RNASEH2B: variants seen among roughly 807,000 people sequenced by gnomAD.
RNASEH2B encodes Aicardi-Goutieres syndrome 2 protein.
In RNASEH2B, 36 loss-of-function variants were observed where a neutral mutation model predicts 45.0. The observed-to-expected ratio is 0.80, with a 90% confidence interval of 0.61 to 1.06. The LOEUF (loss-of-function observed/expected upper bound fraction) is 1.06, where lower values mean the gene tolerates loss of function less well. Among genes scored for constraint, RNASEH2B ranks in the 50% least tolerant of loss-of-function variants. The pLI is 0.00. For synonymous variants in RNASEH2B, 119 were observed against 125.7 expected (o/e 0.95, Z 0.35); for missense variants, 361 against 360.3 (o/e 1.00, Z -0.02).
intron 9 of RNASEH2B, chr13:50,969,813 C>T: frequency 1.1e-6 from 1 of 934,066 alleles, no homozygotes; most frequent in Admixed American, 2.3e-5. Flanking sequence ...GCTCAGCTGC[C>T]CTCAGGACTA....
chr13:50,945,361 T>G, intron 6 of RNASEH2B, 66 bp from the exon 7 acceptor site: 1 of 1,108,830 alleles, frequency 9.0e-7, no homozygotes, highest in Non-Finnish European at 1.4e-6. Flanking sequence ...AGGCCACCTA[T>G]GAATTCATAG....
intron 5 of RNASEH2B, 72 bp from the exon 6 acceptor site, chr13:50,943,249 T>G (rs1201570319): frequency 1.2e-6 from 1 of 867,104 alleles, no homozygotes; most frequent in Non-Finnish European, 1.9e-6. Context: ...AATGGTTAAC[T>G]TGTATATGAT....
In RNASEH2B at chr13:50,934,741, C is replaced by G. The variant is rs1196816662; in HGVS notation, c.322-144C>G. ...GCTGGGGTCCGTCCTAGAGCCTGTCCCATTGTAGGGATTCCTTAGATGGAA... is the reference window on the plus strand; with the variant it reads ...GCTGGGGTCCGTCCTAGAGCCTGTCGCATTGTAGGGATTCCTTAGATGGAA... On this transcript the variant is annotated intron_variant, in intron 4 of 10. Transcript: ENST00000336617. 3.6e-5 allele frequency: 25 copies of G among 693,238 alleles called. 1 individual carries two copies. In the Admixed American group the frequency reaches 5.1e-4, roughly 14 times the overall value. 42.9% of individuals were successfully genotyped at this position (693,238 alleles called of 1,614,324 possible).
At chr13:50,922,187 G>A (rs551978858) in intron 1 of RNASEH2B, among the ~76,000 whole-genome samples, 17 of 152,116 alleles carry the variant, frequency 1.1e-4, no homozygotes, top group Non-Finnish European at 1.8e-4. Flanking sequence ...GTTTAACGTC[G>A]TAGCTTCTGA....
At chr13:50,959,210 A>T (rs1323807390), downstream of RNASEH2B, among the ~76,000 whole-genome samples, 1 of 152,164 alleles carries the variant, frequency 6.6e-6, no homozygotes, top group East Asian at 1.9e-4. Flanking sequence ...AAAGTATTCT[A>T]TAACTTAAGG....
chr13:50,956,467 A>C lies in RNASEH2B; in HGVS notation c.932A>C (p.Lys311Thr). The change falls in exon 11 of 11, where the codon AAG becomes ACG. Residue 311 changes from lysine to threonine, a missense_variant. Physicochemically the swap from Lys to Thr is moderately conservative, Grantham distance 78 (BLOSUM62 -1). Transcript: ENST00000336617. The stretch of plus-strand genomic sequence containing the variant: ...GTAAAAAATAAAAAAAAAATTGGAA[A>C]GGTTTGAAACTTTGAAAATAAAATC... ...FGVKNKKKIG[K>T]V 1.3e-6 allele frequency: 2 copies of C among 1,595,112 alleles called. No homozygotes were observed. The highest frequency in any genetic ancestry group is 1.7e-6 in the Non-Finnish European group (2 of 1,168,146).
chr13:50,919,624 TTG>T (rs1951491168), intron 1 of RNASEH2B, among the ~76,000 whole-genome samples: 1 of 152,184 alleles, frequency 6.6e-6, no homozygotes, highest in Non-Finnish European at 1.5e-5. Context: ...GTCAGAATCA[TTG>T]TGTTTCCAAG....
At chr13:50,969,209 G>T (rs532353285) in intron 9 of RNASEH2B, among the ~76,000 whole-genome samples, 8 of 152,296 alleles carry the variant, frequency 5.3e-5, no homozygotes, top group Admixed American at 5.2e-4. Flanking sequence ...GGAAAAAGCT[G>T]ACCAGGCAGG....
chr13:50,942,950 T>C (rs1294225360), intron 5 of RNASEH2B: 1 of 227,262 alleles, frequency 4.4e-6, no homozygotes, highest in East Asian at 1.4e-4. Flanking sequence ...CTGGCTTGAG[T>C]GTGGAGCCAT....
rs1055193042 is a variant in RNASEH2B at position 50,956,705 on chromosome 13, T to C, written c.*231T>C. On this transcript the variant is annotated 3_prime_UTR_variant, in exon 11 of 11. Coordinates refer to ENST00000336617, the MANE Select transcript of RNASEH2B (RefSeq NM_024570.4). ...ATCTGACATAATGAAAAGTAATCACTTGAAGAGAATTAACATATAGCATCA... is the reference window on the plus strand; with the variant it reads ...ATCTGACATAATGAAAAGTAATCACCTGAAGAGAATTAACATATAGCATCA... The C allele has an allele frequency of 4.8e-6, 6 of 1,258,434 alleles. No homozygotes were observed. In the African/African-American group the frequency reaches 9.2e-5, roughly 19 times the overall value. The allele number at this position is 1,258,434 out of a possible 1,614,324, so 78.0% of individuals were successfully genotyped here. A position where few individuals can be genotyped will look rare whatever the true frequency, so the allele number is the denominator to read the frequency against.
chr13:50,915,574 G>A, intron 1 of RNASEH2B: 3 of 398,046 alleles, frequency 7.5e-6, no homozygotes, highest in Non-Finnish European at 1.3e-5. Flanking sequence ...ATACATGCCA[G>A]GAGCTAGAGA....
chr13:50,948,121 C>T, intron 8 of RNASEH2B, 53 bp downstream of exon 8: 1 of 1,602,862 alleles, frequency 6.2e-7, no homozygotes, highest in South Asian at 1.1e-5. Flanking sequence ...TTCTTGGTTT[C>T]CCCAGCAGTG....
At chr13:50,948,874 G>C (rs1002133488) in intron 8 of RNASEH2B, 1 of 152,310 alleles carries the variant, frequency 6.6e-6, no homozygotes, top group Admixed American at 6.5e-5. Context: ...AAAGTGTGCT[G>C]AAAGCCTGCT....
chr13:50,966,379 T>C (rs1409560625), intron 9 of RNASEH2B, among the ~76,000 whole-genome samples: 1 of 152,216 alleles, frequency 6.6e-6, no homozygotes, highest in Non-Finnish European at 1.5e-5. Context: ...CCTTTGGCCC[T>C]TTGCTTCTCT....
At chr13:50,960,130 T>C, downstream of RNASEH2B, 1 of 1,118,928 alleles carries the variant, frequency 8.9e-7, no homozygotes, top group Middle Eastern at 3.3e-4. Flanking sequence ...ATTAATGAAA[T>C]CTGTTTTTTT....
At chr13:50,970,052 T>C in exon 10 of RNASEH2B, 1 of 1,318,484 alleles carries the variant, frequency 7.6e-7, no homozygotes, top group Non-Finnish European at 1.1e-6. Flanking sequence ...TGCACTTTTT[T>C]GGAAAATCGC....
chr13:50,920,838 T>C (rs181378618), intron 1 of RNASEH2B, among the ~76,000 whole-genome samples: 10 of 152,372 alleles, frequency 6.6e-5, no homozygotes, highest in Admixed American at 5.2e-4. Flanking sequence ...TTATTGAGTA[T>C]ATCTCATGTG....
intron 6 of RNASEH2B, among the ~76,000 whole-genome samples, chr13:50,944,202 T>C (rs1355120598): frequency 2.0e-5 from 3 of 152,154 alleles, no homozygotes; most frequent in Non-Finnish European, 4.4e-5. Context: ...AAAAAAACTT[T>C]GAAAGCCACT....
chr13:50,948,051 C>G lies in RNASEH2B; in HGVS notation c.681C>G (p.Asp227Glu). The G allele has an allele frequency of 1.9e-6, 3 of 1,611,266 alleles. No homozygotes were observed. The highest frequency in any genetic ancestry group is 2.5e-6 in the Non-Finnish European group (3 of 1,179,100). Residue 227 changes from aspartate (D) to glutamate (E), a missense_variant, in exon 8 of 11, where the codon GAC (aspartate) becomes GAG (glutamate). Asp to Glu is a conservative substitution (Grantham distance 45). Coordinates refer to ENST00000336617, the MANE Select transcript of RNASEH2B (RefSeq NM_024570.4). ...SDYIPKELSD[D>E]LSKYLKLPEP... ...ACATCCCTAAAGAATTAAGTGATGACTTATCTAAATACTTAAAGTGAGTAT... is the reference window on the plus strand; with the variant it reads ...ACATCCCTAAAGAATTAAGTGATGAGTTATCTAAATACTTAAAGTGAGTAT...
Sources: gnomAD v4.1 joint callset for allele counts (sites outside exome capture counted in the v4.1 genomes callset) on GRCh38, gnomAD v4.1.1 for gene constraint, MANE v1.5 for transcripts, NCBI Gene and HGNC (gene_info 2026-07-23, HGNC 2026-07-21) for gene names.